Variants in TRABD2B observed in about 807,000 individuals in gnomAD.
TRABD2B encodes TraB domain containing 2B, also known as metalloprotease TIKI2.
TRABD2B carries 14 observed loss-of-function variants against 40.1 expected under a neutral mutation model. The ratio of observed to expected loss-of-function variants is 0.35; its 90% CI spans 0.23 to 0.55. The LOEUF is 0.55. Ranked by LOEUF, TRABD2B falls within the 20% of genes least tolerant of loss-of-function variation. TRABD2B has a pLI of 0.90. For missense variants in TRABD2B, 541 were observed against 648.6 expected, an observed-to-expected ratio of 0.83 and a Z score of 1.80; for synonymous variants, 263 against 277.0, an observed-to-expected ratio of 0.95 and a Z score of 0.50.
At chr1:47,806,354 C>T (rs985141781) in intron 2 of TRABD2B, among the ~76,000 whole-genome samples, 1 of 152,156 alleles carries the variant, frequency 6.6e-6, no homozygotes, top group Non-Finnish European at 1.5e-5. Context: ...AGCGCCTGGC[C>T]CTGACTCCTG....
intron 2 of TRABD2B, among the ~76,000 whole-genome samples, chr1:47,991,974 A>G (rs77959933): frequency 2.1e-3 from 314 of 152,328 alleles, no homozygotes; most frequent in African/African-American, 7.5e-3. Context: ...AAGGCTGCCC[A>G]AGGGGATGGA....
chr1:47,842,519 C>G (rs1645412765), intron 2 of TRABD2B, among the ~76,000 whole-genome samples: 1 of 152,146 alleles, frequency 6.6e-6, no homozygotes, highest in South Asian at 2.1e-4. Context: ...CGGTGGAAAG[C>G]TTCCAGGTGA....
At chr1:47,884,452 G>A (rs1357673116) in intron 2 of TRABD2B, among the ~76,000 whole-genome samples, 2 of 152,070 alleles carry the variant, frequency 1.3e-5, no homozygotes, top group Non-Finnish European at 2.9e-5. Flanking sequence ...GCACACCCTG[G>A]CTATCATGAT....
intron 2 of TRABD2B, among the ~76,000 whole-genome samples, chr1:47,977,695 A>C (rs997937507): frequency 3.4e-5 from 5 of 148,470 alleles, no homozygotes; most frequent in Admixed American, 6.7e-5. Flanking sequence ...AAAAAAAAAA[A>C]CACACAGGAA....
In TRABD2B at chr1:47,862,583, T is replaced by C. The variant is rs922964701; in HGVS notation, c.667-60964A>G. ...GAAAAACTACAAAACTCTTATGAAA[T>C]ATAAGAACTAAATAAATGGAGAGAT... On this transcript the variant is annotated intron_variant, in intron 2 of 6. Coordinates refer to ENST00000606738, the MANE Select transcript of TRABD2B (RefSeq NM_001194986.2). Among the ~76,000 whole-genome samples the C allele has an allele frequency of 7.2e-5, 11 of 152,230 alleles. No homozygotes were observed. The East Asian group carries it at 2.1e-3, about 29-fold the overall frequency.
intron 3 of TRABD2B, among the ~76,000 whole-genome samples, chr1:47,800,310 G>T (rs544138831): frequency 6.6e-6 from 1 of 152,318 alleles, no homozygotes; most frequent in East Asian, 1.9e-4. Flanking sequence ...GAGTCAGGTG[G>T]TTGGGGCCAG....
chr1:47,772,174 G>A (rs1283677224), intron 6 of TRABD2B, among the ~76,000 whole-genome samples: 1 of 152,064 alleles, frequency 6.6e-6, no homozygotes. Context: ...CCTGGCCTTA[G>A]GCAAGTTACC....
chr1:47,965,897 T>C (rs1645595050), intron 2 of TRABD2B, among the ~76,000 whole-genome samples: 1 of 152,132 alleles, frequency 6.6e-6, no homozygotes, highest in Non-Finnish European at 1.5e-5. Flanking sequence ...CTCTCCCATC[T>C]CTATTCCCCC....
chr1:47,993,969 C>A, intron 2 of TRABD2B, 65 bp downstream of exon 2: 1 of 1,433,524 alleles, frequency 7.0e-7, no homozygotes, highest in Non-Finnish European at 9.2e-7. Context: ...AGAAGAAAGA[C>A]AATCAGAGAA....
chr1:47,990,770 TTTATATATATATA>T, intron 2 of TRABD2B, among the ~76,000 whole-genome samples: 1 of 35,050 alleles, frequency 2.9e-5, no homozygotes, highest in African/African-American at 1.6e-4. Flanking sequence ...AAACGTTGGT[TTTATATATATATA>T]TATATATATA....
intron 4 of TRABD2B, among the ~76,000 whole-genome samples, chr1:47,780,249 T>C (rs1308541179): frequency 6.6e-6 from 1 of 152,238 alleles, no homozygotes; most frequent in Admixed American, 6.5e-5. Flanking sequence ...ACACTTACTC[T>C]GAGACCTCAG....
rs1285694672 is a variant in TRABD2B, at chr1:47,801,628, A to C, written c.667-9T>G. 6.5e-7 allele frequency: 1 copy of C among 1,535,016 alleles called. No individual in the cohort carries two copies. The highest frequency in any genetic ancestry group is 8.7e-7 in the Non-Finnish European group (1 of 1,146,274). The stretch of plus-strand genomic sequence containing the variant: ...TTCAGGGCAAACAGCACCTGGGCCG[A>C]GGAAAGAGAGAGGAATGAGGGCTGT... On this transcript the variant is annotated splice_polypyrimidine_tract_variant and intron_variant, in intron 2 of 6. Coordinates refer to ENST00000606738, the MANE Select transcript of TRABD2B (RefSeq NM_001194986.2).
At chr1:47,831,593 C>T (rs1174359984) in intron 2 of TRABD2B, among the ~76,000 whole-genome samples, 3 of 152,120 alleles carry the variant, frequency 2.0e-5, no homozygotes, top group Non-Finnish European at 4.4e-5. Context: ...TGGGTGATCA[C>T]TCCCCCCTCT....
At chr1:47,965,601 G>T (rs1186032639) in intron 2 of TRABD2B, among the ~76,000 whole-genome samples, 1 of 152,152 alleles carries the variant, frequency 6.6e-6, no homozygotes, top group Non-Finnish European at 1.5e-5. Flanking sequence ...GACACTGGGG[G>T]AGTCTGTTTC....
At chr1:47,817,299 C>T (rs1645047103) in intron 2 of TRABD2B, among the ~76,000 whole-genome samples, 1 of 152,014 alleles carries the variant, frequency 6.6e-6, no homozygotes, top group Non-Finnish European at 1.5e-5. Flanking sequence ...GGAAGGAGCA[C>T]ACTGGGAACC....
At chr1:47,828,047 G>A (rs1446366419) in intron 2 of TRABD2B, among the ~76,000 whole-genome samples, 2 of 152,164 alleles carry the variant, frequency 1.3e-5, no homozygotes, top group African/African-American at 4.8e-5. Flanking sequence ...GTTTCCTCCT[G>A]TTAACTGGGG....
chr1:47,880,988 G>A (rs536629993), intron 2 of TRABD2B, among the ~76,000 whole-genome samples: 2 of 152,302 alleles, frequency 1.3e-5, no homozygotes, highest in South Asian at 2.1e-4. Flanking sequence ...ACCCCATGGC[G>A]GTCCATAAAT....
rs886512919 is a variant in TRABD2B at position 47,765,166 on chromosome 1, G to A, written c.*736C>T. ...TCTCCCACTTGCCGTGTGACCTTGGGCTACCCACCTGGTTCTCTCTGGATC... is the reference window on the plus strand; with the variant it reads ...TCTCCCACTTGCCGTGTGACCTTGGACTACCCACCTGGTTCTCTCTGGATC... On this transcript the variant is annotated 3_prime_UTR_variant, in exon 7 of 7. Transcript: ENST00000606738. The A allele has an allele frequency of 8.5e-5, 13 of 152,272 alleles. No homozygotes were observed. Among genetic ancestry groups the A allele is most frequent in the African/African-American group, 2.7e-4 (11 of 41,422 alleles). The allele number at this position is 152,272 out of a possible 1,614,324, so 9.4% of individuals were successfully genotyped here.
intron 2 of TRABD2B, among the ~76,000 whole-genome samples, chr1:47,903,222 C>T (rs984582179): frequency 2.9e-4 from 44 of 152,122 alleles, no homozygotes; most frequent in Admixed American, 2.6e-3. Flanking sequence ...TGAGAGTGTA[C>T]GTCAAATTGC....
Sources: gnomAD v4.1 joint callset for allele counts (sites outside exome capture counted in the v4.1 genomes callset) on GRCh38, gnomAD v4.1.1 for gene constraint, MANE v1.5 for transcripts, NCBI Gene and HGNC (gene_info 2026-07-23, HGNC 2026-07-21) for gene names.